SLC35F3: variants seen among roughly 807,000 people sequenced by gnomAD.
SLC35F3 encodes the protein solute carrier family 35 member F3, also known as putative thiamine transporter SLC35F3.
A neutral mutation model predicts 49.9 loss-of-function variants in SLC35F3; 25 were observed. The ratio of observed to expected loss-of-function variants is 0.50; its 90% CI spans 0.37 to 0.70. The LOEUF is 0.70. Ranked by LOEUF, SLC35F3 falls within the 30% of genes least tolerant of loss-of-function variation. SLC35F3 has a pLI of 0.00. For missense variants in SLC35F3, 525 were observed against 639.8 expected, an observed-to-expected ratio of 0.82 and a Z score of 1.94; for synonymous variants, 275 against 265.4, an observed-to-expected ratio of 1.04 and a Z score of -0.35.
chr1:234,297,226 A>G (rs1212337291), intron 3 of SLC35F3, among the ~76,000 whole-genome samples: 6 of 152,250 alleles, frequency 3.9e-5, no homozygotes, highest in Admixed American at 3.9e-4. Context: ...TACAGCCACC[A>G]TGGAAAACAG....
intron 7 of SLC35F3, among the ~76,000 whole-genome samples, chr1:234,321,986 G>C (rs1038893058): frequency 1.3e-5 from 2 of 151,862 alleles, no homozygotes; most frequent in African/African-American, 4.8e-5. Flanking sequence ...TTCTAGACCA[G>C]CCTGAGCAAC....
intron 2 of SLC35F3, among the ~76,000 whole-genome samples, chr1:233,932,541 T>C (rs1268801076): frequency 6.6e-6 from 1 of 152,220 alleles, no homozygotes; most frequent in Non-Finnish European, 1.5e-5. Flanking sequence ...GGCAGAAATC[T>C]ATCATCTTCT....
At chr1:234,321,099 C>A (rs1003182375) in intron 7 of SLC35F3, among the ~76,000 whole-genome samples, 4 of 149,984 alleles carry the variant, frequency 2.7e-5, no homozygotes, top group Non-Finnish European at 5.9e-5. Context: ...GGTGACTATG[C>A]CTGCAGGCAC....
intron 2 of SLC35F3, among the ~76,000 whole-genome samples, chr1:234,212,007 A>C (rs777922673): frequency 7.2e-5 from 11 of 152,116 alleles, no homozygotes; most frequent in Non-Finnish European, 1.6e-4. Context: ...ATAGTGAATA[A>C]GTTTCATGAG....
chr1:234,029,305 A>C (rs1003916915), intron 2 of SLC35F3, among the ~76,000 whole-genome samples: 2 of 152,198 alleles, frequency 1.3e-5, no homozygotes, highest in Non-Finnish European at 2.9e-5. Context: ...CAGCTAAAGC[A>C]ATTCATCAAA....
intron 3 of SLC35F3, among the ~76,000 whole-genome samples, chr1:234,238,665 A>G (rs1262482827): frequency 6.6e-6 from 1 of 151,942 alleles, no homozygotes; most frequent in Non-Finnish European, 1.5e-5. Flanking sequence ...GCTTCATCCC[A>G]GTGAAATTCA....
intron 3 of SLC35F3, among the ~76,000 whole-genome samples, chr1:234,291,560 C>T (rs1232143456): frequency 5.3e-5 from 8 of 152,130 alleles, no homozygotes; most frequent in Admixed American, 5.2e-4. Flanking sequence ...CTTCAGTCTC[C>T]CAAGTGGCTG....
At chr1:234,021,475 G>T (rs1365209737) in intron 2 of SLC35F3, among the ~76,000 whole-genome samples, 3 of 152,058 alleles carry the variant, frequency 2.0e-5, no homozygotes, top group African/African-American at 7.2e-5. Context: ...CAACCAACTG[G>T]ACTTATTAAA....
chr1:234,200,923 A>G (rs1666892149), intron 2 of SLC35F3, among the ~76,000 whole-genome samples: 2 of 152,134 alleles, frequency 1.3e-5, no homozygotes, highest in South Asian at 2.1e-4. Flanking sequence ...TTGTTTCTCT[A>G]TCATCCTCTT....
chr1:234,211,331 A>G (rs1305399535), intron 2 of SLC35F3, among the ~76,000 whole-genome samples: 1 of 152,212 alleles, frequency 6.6e-6, no homozygotes, highest in African/African-American at 2.4e-5. Flanking sequence ...TAGTGGAGCT[A>G]TGAGAAGAGG....
intron 3 of SLC35F3, among the ~76,000 whole-genome samples, chr1:234,279,381 C>T (rs1668266217): frequency 6.6e-6 from 1 of 152,140 alleles, no homozygotes; most frequent in Non-Finnish European, 1.5e-5. Flanking sequence ...ATTTATTGCC[C>T]TTTCACAGGG....
intron 3 of SLC35F3, among the ~76,000 whole-genome samples, chr1:234,233,919 C>A (rs560263563): frequency 2.6e-5 from 4 of 152,246 alleles, no homozygotes; most frequent in African/African-American, 9.6e-5. Context: ...GGCAGAGATG[C>A]TAATTTACCA....
intron 3 of SLC35F3, among the ~76,000 whole-genome samples, chr1:234,264,414 C>T (rs975914288): frequency 1.3e-5 from 2 of 152,184 alleles, no homozygotes; most frequent in African/African-American, 2.4e-5. Context: ...CAAAACTTAC[C>T]GGAAGAGTAG....
At position 233,957,122 on chromosome 1, in the gene SLC35F3, A is replaced by C. The variant is rs1050128640; in HGVS notation, c.283+51364A>C. On this transcript the variant is annotated intron_variant, in intron 2 of 7. Coordinates refer to ENST00000366618, the MANE Select transcript of SLC35F3 (RefSeq NM_173508.4). This position sits in a 1 kb window ranked among gnomAD's most constrained non-coding sequence, Gnocchi z 4.0. ...TCTTACCCCGAAGGTCCAGGACCCT[A>C]AGAAACATGGGTAGGAGAAGAATAA... is the stretch of plus-strand genomic sequence containing the variant. Among the ~76,000 whole-genome samples, 1 of 152,204 alleles carries C rather than the reference A, an allele frequency of 6.6e-6. No homozygotes were observed. The highest frequency in any genetic ancestry group is 1.5e-5 in the Non-Finnish European group (1 of 68,038).
rs548516603 is a variant in SLC35F3, at chr1:234,197,822, T to C, written c.284-33595T>C. 2.0e-5 allele frequency among the ~76,000 whole-genome samples: 3 copies of C among 152,358 alleles called. No individual in the cohort carries two copies. The South Asian group carries it at 6.2e-4, about 32-fold the overall frequency. On this transcript the variant is annotated intron_variant, in intron 2 of 7. Transcript: ENST00000366618. ...AAAAGAAATTTCAAAAGCACCAGCATCAGGTTGTAATGTGAGCATGTTTGC... is the reference window on the plus strand; with the variant it reads ...AAAAGAAATTTCAAAAGCACCAGCACCAGGTTGTAATGTGAGCATGTTTGC...
At chr1:234,282,792 C>T (rs370823972) in intron 3 of SLC35F3, among the ~76,000 whole-genome samples, 2 of 152,210 alleles carry the variant, frequency 1.3e-5, no homozygotes, top group African/African-American at 2.4e-5. Context: ...TGTTCTTGTA[C>T]GCACATTGTG....
intron 2 of SLC35F3, among the ~76,000 whole-genome samples, chr1:234,059,633 CATA>C (rs1464567254): frequency 1.2e-5 from 1 of 82,410 alleles, no homozygotes; most frequent in Non-Finnish European, 3.5e-5. Flanking sequence ...TAGACATAGA[CATA>C]GACATAGACA....
chr1:233,939,950 ATTAAAC>A lies in SLC35F3; in HGVS notation c.283+34197_283+34202del, dbSNP rs549011935. On this transcript the variant is annotated intron_variant, in intron 2 of 7. Transcript: ENST00000366618. ...GACTTTTTTCTCCTTGTCAAATTAT[ATTAAAC>A]TTAATAATACACACAATAAATAACA... Among the ~76,000 whole-genome samples the A allele has an allele frequency of 2.4e-4, 36 of 152,310 alleles. No individual in the cohort carries two copies. In the East Asian group the frequency reaches 6.4e-3, roughly 27 times the overall value.
intron 3 of SLC35F3, among the ~76,000 whole-genome samples, chr1:234,276,080 G>A (rs1189832420): frequency 3.3e-5 from 5 of 152,174 alleles, no homozygotes; most frequent in African/African-American, 1.2e-4. Flanking sequence ...AGGGTAGGTA[G>A]TTGCTATGAG....
Sources: allele counts gnomAD v4.1 joint callset (sites outside exome capture counted in the v4.1 genomes callset), GRCh38; gene constraint gnomAD v4.1.1; non-coding constraint Gnocchi (gnomAD v3.1); transcripts MANE v1.5; gene names NCBI Gene and HGNC (gene_info 2026-07-23, HGNC 2026-07-21).